C19orf47: variants seen among roughly 807,000 people sequenced by gnomAD.
C19orf47 encodes the protein chromosome 19 open reading frame 47.
A neutral mutation model predicts 32.3 loss-of-function variants in C19orf47; 18 were observed. The observed-to-expected ratio is 0.56, with a 90% CI of 0.39 to 0.83. C19orf47 has a LOEUF of 0.83. Ranked by LOEUF, C19orf47 falls within the 40% of genes least tolerant of loss-of-function variation. The pLI is 0.00. For synonymous variants in C19orf47, 202 were observed against 211.1 expected, an observed-to-expected ratio of 0.96 and a Z score of 0.37; for missense variants, 484 against 531.6, an observed-to-expected ratio of 0.91 and a Z score of 0.88.
chr19:40,330,881 A>G (rs761716306), intron 5 of C19orf47, among the ~76,000 whole-genome samples: 5 of 152,148 alleles, frequency 3.3e-5, no homozygotes, highest in Non-Finnish European at 7.4e-5. Flanking sequence ...GCTGTTAGCA[A>G]TCAGGGTAGT....
In C19orf47 at chr19:40,348,373, C is replaced by T; in HGVS notation, c.-83G>A. 3.5e-6 allele frequency: 5 copies of T among 1,411,098 alleles called. No homozygotes were observed. In the South Asian group the frequency reaches 7.0e-5, roughly 20 times the overall value. 87.4% of individuals were successfully genotyped at this position (1,411,098 alleles called of 1,614,324 possible). A position where few individuals can be genotyped will look rare whatever the true frequency, so the allele number is the denominator to read the frequency against. On this transcript the variant is annotated 5_prime_UTR_variant, in exon 1 of 9. Transcript: ENST00000683109. ...TCGCGCCGCCCGCCCTCCCTCCCGGCGGCGCCAACTGTCAGACACTCCTCC... is the reference window on the plus strand; with the variant it reads ...TCGCGCCGCCCGCCCTCCCTCCCGGTGGCGCCAACTGTCAGACACTCCTCC...
At position 40,320,344 on chromosome 19, in the gene C19orf47, T is replaced by G. The variant is rs1202718409; in HGVS notation, c.*1538A>C. ...CCCGGGTCACTGTGCACATTCCTCC[T>G]CCTTGATCACAACACCCCCAGCCAC... On this transcript the variant is annotated 3_prime_UTR_variant, in exon 9 of 9. Coordinates refer to ENST00000683109, the MANE Select transcript of C19orf47 (RefSeq NM_001256441.2). 1 of 155,724 alleles carries G rather than the reference T, an allele frequency of 6.4e-6. No homozygotes were observed. Among genetic ancestry groups the G allele is most frequent in the Non-Finnish European group, 1.4e-5 (1 of 69,200 alleles). 9.6% of individuals were successfully genotyped at this position (155,724 alleles called of 1,614,324 possible).
chr19:40,311,213 C>A, the C19orf47 span, among the ~76,000 whole-genome samples: 1 of 151,932 alleles, frequency 6.6e-6, no homozygotes, highest in African/African-American at 2.4e-5. Context: ...CCCGTCTCTA[C>A]TAAAAATACA....
intron 1 of C19orf47, among the ~76,000 whole-genome samples, chr19:40,347,798 A>G (rs1020644476): frequency 1.3e-5 from 2 of 152,134 alleles, no homozygotes; most frequent in African/African-American, 4.8e-5. Context: ...TTATCATTAT[A>G]GTCCCAATCC....
Position 40,320,773 on chromosome 19 carries a change from A to G in C19orf47, c.*1109T>C, listed in dbSNP as rs2077704812. ...ACCAGTGGAAACTCATGGTCTCACAAACGGAGCCCATCATTTGGAAAGGTG... is the reference window on the plus strand; with the variant it reads ...ACCAGTGGAAACTCATGGTCTCACAGACGGAGCCCATCATTTGGAAAGGTG... On this transcript the variant is annotated 3_prime_UTR_variant, in exon 9 of 9. Transcript: ENST00000683109. 6.5e-6 allele frequency: 1 copy of G among 152,792 alleles called. No homozygotes were observed. The highest frequency in any genetic ancestry group is 2.4e-5 in the African/African-American group (1 of 41,462). The allele number at this position is 152,792 out of a possible 1,614,324, so 9.5% of individuals were successfully genotyped here. A position where few individuals can be genotyped will look rare whatever the true frequency, so the allele number is the denominator to read the frequency against.
At chr19:40,341,912 A>G in intron 1 of C19orf47, 22 bp from the exon 2 acceptor site, 2 of 1,536,044 alleles carry the variant, frequency 1.3e-6, no homozygotes, top group Non-Finnish European at 1.7e-6. Context: ...GAGAGGAGAG[A>G]GCCCATGAGC....
At chr19:40,316,894 T>C (rs1222818255), downstream of C19orf47, among the ~76,000 whole-genome samples, 1 of 152,116 alleles carries the variant, frequency 6.6e-6, no homozygotes, top group Non-Finnish European at 1.5e-5. Flanking sequence ...TTAAATAAAT[T>C]AGACTACTAA....
In C19orf47 at chr19:40,322,272, C is replaced by A. The variant is rs1477285196; in HGVS notation, c.768G>T (p.Gly256=). Residue 256 remains glycine (G), a synonymous_variant, in exon 9 of 9, where the codon GGG becomes GGT. Transcript: ENST00000683109. ...DSSSSVLQYA[G]VLKKLGRGPA... is the part of the protein sequence containing the mutation. The stretch of plus-strand genomic sequence containing the variant: ...GGCCCCGTCCTAGCTTCTTCAGGAC[C>A]CCGGCATACTGCAAGACAGAGCTGC... 1.2e-6 allele frequency: 2 copies of A among 1,608,732 alleles called. No homozygotes were observed. The highest frequency in any genetic ancestry group is 2.7e-5 in the African/African-American group (2 of 74,940).
At chr19:40,346,208 C>G (rs1432372285) in intron 1 of C19orf47, among the ~76,000 whole-genome samples, 1 of 144,502 alleles carries the variant, frequency 6.9e-6, no homozygotes, top group Non-Finnish European at 1.5e-5. Flanking sequence ...CCTTGGGAGG[C>G]TGAGGCAGGT....
chr19:40,301,836 C>T, the C19orf47 span, among the ~76,000 whole-genome samples: 3 of 149,834 alleles, frequency 2.0e-5, no homozygotes, highest in South Asian at 2.1e-4. Context: ...CAGAGCAAGA[C>T]TCTGTCTAGG....
At chr19:40,328,135 G>A (rs1382764992) in intron 6 of C19orf47, among the ~76,000 whole-genome samples, 1 of 152,094 alleles carries the variant, frequency 6.6e-6, no homozygotes, top group Non-Finnish European at 1.5e-5. Context: ...ACCCCTGAGT[G>A]AGAAGGCAAT....
chr19:40,307,373 G>A, the C19orf47 span, among the ~76,000 whole-genome samples: 1 of 152,036 alleles, frequency 6.6e-6, no homozygotes, highest in African/African-American at 2.4e-5. Flanking sequence ...GGGATTACAG[G>A]CATGAGCCAC....
the C19orf47 span, among the ~76,000 whole-genome samples, chr19:40,293,850 G>A: frequency 6.6e-6 from 1 of 152,122 alleles, no homozygotes; most frequent in South Asian, 2.1e-4. Context: ...GCCGGGCGCA[G>A]CGGCTCATGC....
Position 40,321,309 on chromosome 19 carries a change from G to C in C19orf47, c.*573C>G, listed in dbSNP as rs1305053084. On this transcript the variant is annotated 3_prime_UTR_variant, in exon 9 of 9. Transcript: ENST00000683109. ...CGACGAGGGGGCCGCTGGGAGGCCG[G>C]AGGTACAGGAGGGTCGGGCAGGACG... 9.1e-6 allele frequency: 9 copies of C among 986,298 alleles called. No individual in the cohort carries two copies. Among genetic ancestry groups the C allele is most frequent in the Non-Finnish European group, 1.1e-5 (9 of 830,194 alleles). The allele number at this position is 986,298 out of a possible 1,614,324, so 61.1% of individuals were successfully genotyped here.
the C19orf47 span, among the ~76,000 whole-genome samples, chr19:40,309,746 A>T: frequency 6.6e-6 from 1 of 152,250 alleles, no homozygotes; most frequent in East Asian, 1.9e-4. Context: ...AGCTTTTTCC[A>T]ATAAGGACAC....
intron 8 of C19orf47, 122 bp from the exon 9 acceptor site, chr19:40,322,498 C>A (rs1471594187): frequency 1.6e-6 from 2 of 1,224,896 alleles, no homozygotes; most frequent in African/African-American, 3.1e-5. Context: ...CCATCACTGA[C>A]ACCCCAGATA....
At chr19:40,342,571 G>C (rs2078198546) in intron 1 of C19orf47, 1 of 152,448 alleles carries the variant, frequency 6.6e-6, no homozygotes, top group Non-Finnish European at 1.5e-5. Flanking sequence ...GGACAGGGGA[G>C]ACAGAGAGTA....
the C19orf47 span, among the ~76,000 whole-genome samples, chr19:40,305,548 TA>T: frequency 6.6e-6 from 1 of 152,172 alleles, no homozygotes; most frequent in Non-Finnish European, 1.5e-5. Flanking sequence ...GAAACCCAGC[TA>T]TGTCTTGCAG....
At chr19:40,326,178 T>C (rs1306805118) in intron 7 of C19orf47, among the ~76,000 whole-genome samples, 156 bp downstream of exon 7, 2 of 152,184 alleles carry the variant, frequency 1.3e-5, no homozygotes, top group East Asian at 3.8e-4. Context: ...ATTTCCCTCC[T>C]CTGCAGCCAC....
Sources: allele counts gnomAD v4.1 joint callset (sites outside exome capture counted in the v4.1 genomes callset), GRCh38; gene constraint gnomAD v4.1.1; transcripts MANE v1.5; gene names NCBI Gene and HGNC (gene_info 2026-07-23, HGNC 2026-07-21).